SAMD12: variants seen among roughly 807,000 people sequenced by gnomAD.
The protein encoded by SAMD12 is sterile alpha motif domain-containing protein 12.
A neutral mutation model predicts 15.0 loss-of-function variants in SAMD12; 9 were observed. The ratio of observed to expected loss-of-function variants is 0.60; its 90% CI spans 0.36 to 1.05. The LOEUF is 1.05. SAMD12 is among the 50% of genes least tolerant of loss of function. SAMD12 has a pLI of 0.01. For missense variants in SAMD12, 230 were observed against 234.2 expected, an observed-to-expected ratio of 0.98 and a Z score of 0.12; for synonymous variants, 86 against 90.1, an observed-to-expected ratio of 0.96 and a Z score of 0.25.
At chr8:118,301,512 C>A (rs1815024549) in intron 4 of SAMD12, among the ~76,000 whole-genome samples, 1 of 152,130 alleles carries the variant, frequency 6.6e-6, no homozygotes. Context: ...TCATGGACAC[C>A]CACAAGTTGC....
At chr8:118,317,652 G>A (rs904508686) in intron 4 of SAMD12, among the ~76,000 whole-genome samples, 5 of 152,166 alleles carry the variant, frequency 3.3e-5, no homozygotes, top group African/African-American at 1.2e-4. Context: ...GGCTTCTGGG[G>A]TGCTAGTAAT....
chr8:118,349,220 G>C (rs1171047345), intron 4 of SAMD12, among the ~76,000 whole-genome samples: 1 of 152,168 alleles, frequency 6.6e-6, no homozygotes, highest in Admixed American at 6.5e-5. Flanking sequence ...AACACCTTTT[G>C]TTTACCCCTT....
intron 4 of SAMD12, among the ~76,000 whole-genome samples, chr8:118,198,996 G>T (rs575844078): frequency 2.6e-5 from 4 of 152,188 alleles, no homozygotes; most frequent in Non-Finnish European, 4.4e-5. Flanking sequence ...GAAGATTTAG[G>T]TTAAGTAAAT....
intron 2 of SAMD12, among the ~76,000 whole-genome samples, chr8:118,483,033 T>A (rs2515014): frequency 0.16 from 23,633 of 152,196 alleles, 1,889 homozygotes; most frequent in East Asian, 0.27. Flanking sequence ...ATCTTTGCCA[T>A]CCATCTCAAT....
intron 4 of SAMD12, among the ~76,000 whole-genome samples, chr8:118,354,957 T>A (rs1180351568): frequency 1.3e-5 from 2 of 152,184 alleles, no homozygotes; most frequent in Non-Finnish European, 2.9e-5. Flanking sequence ...CATTTAAAAA[T>A]ACCACTATGG....
At chr8:118,497,195 T>C (rs1419571394) in intron 2 of SAMD12, among the ~76,000 whole-genome samples, 1 of 152,180 alleles carries the variant, frequency 6.6e-6, no homozygotes, top group Non-Finnish European at 1.5e-5. Flanking sequence ...GAACTACCAT[T>C]GGACCCAGCA....
chr8:118,164,975 ATGTGTGTGTG>A, the SAMD12 span, among the ~76,000 whole-genome samples: 8 of 144,124 alleles, frequency 5.6e-5, no homozygotes, highest in African/African-American at 7.7e-5. Context: ...CTGACACTAG[ATGTGTGTGTG>A]TGTGTGTGTG....
chr8:118,357,590 G>A (rs1818294681), intron 4 of SAMD12, among the ~76,000 whole-genome samples: 1 of 152,084 alleles, frequency 6.6e-6, no homozygotes, highest in Non-Finnish European at 1.5e-5. Context: ...TGAGATGATG[G>A]ATATGTTAAT....
At chr8:118,279,929 A>T (rs1282352716) in intron 4 of SAMD12, among the ~76,000 whole-genome samples, 1 of 152,206 alleles carries the variant, frequency 6.6e-6, no homozygotes, top group East Asian at 1.9e-4. Flanking sequence ...ACACAAAAAC[A>T]CAGGACGCAC....
At chr8:118,178,317 A>G in the SAMD12 span, among the ~76,000 whole-genome samples, 2 of 152,158 alleles carry the variant, frequency 1.3e-5, no homozygotes, top group African/African-American at 4.8e-5. Flanking sequence ...CCATAGACAC[A>G]CTTATGGAAA....
chr8:118,370,177 A>G (rs1485786913), intron 4 of SAMD12, among the ~76,000 whole-genome samples: 3 of 151,998 alleles, frequency 2.0e-5, no homozygotes, highest in African/African-American at 7.2e-5. Context: ...AAAAAACATG[A>G]AAAAAAAGCT....
intron 4 of SAMD12, among the ~76,000 whole-genome samples, chr8:118,215,937 G>T (rs929571254): frequency 1.8e-4 from 27 of 150,708 alleles, no homozygotes; most frequent in African/African-American, 6.3e-4. Flanking sequence ...GTGTGCATGT[G>T]TCTTTATAGC....
At chr8:118,437,859 C>A (rs536429058) in intron 3 of SAMD12, among the ~76,000 whole-genome samples, 1 of 152,184 alleles carries the variant, frequency 6.6e-6, no homozygotes, top group Non-Finnish European at 1.5e-5. Context: ...GGCTCATCCT[C>A]TTCAAACCAT....
chr8:118,243,633 C>CA (rs377475532), intron 4 of SAMD12, among the ~76,000 whole-genome samples: 18 of 152,214 alleles, frequency 1.2e-4, no homozygotes, highest in African/African-American at 3.4e-4. Context: ...AGTGGATCTG[C>CA]ATTCCATTTA....
chr8:118,295,824 T>C (rs1188501065), intron 4 of SAMD12: 1 of 152,028 alleles, frequency 6.6e-6, no homozygotes, highest in Non-Finnish European at 1.5e-5. Context: ...ATTTTTTCTT[T>C]TGTAGAGATG....
intron 4 of SAMD12, among the ~76,000 whole-genome samples, chr8:118,330,813 GA>G (rs963265851): frequency 1.3e-5 from 2 of 152,124 alleles, no homozygotes; most frequent in African/African-American, 4.8e-5. Context: ...CAAGCGACAT[GA>G]TCATGAGAAA....
intron 4 of SAMD12, chr8:118,285,057 A>G (rs1336760693): frequency 6.6e-6 from 1 of 151,550 alleles, no homozygotes; most frequent in African/African-American, 2.4e-5. Flanking sequence ...TCTCATTTTT[A>G]TACTCTGTTA....
At chr8:118,540,301 T>C (rs1489802950) in intron 2 of SAMD12, among the ~76,000 whole-genome samples, 1 of 152,196 alleles carries the variant, frequency 6.6e-6, no homozygotes. Context: ...TGATCAGTGA[T>C]GAGGTATGTC....
intron 1 of SAMD12, among the ~76,000 whole-genome samples, chr8:118,582,262 G>A (rs947628795): frequency 7.2e-5 from 11 of 152,052 alleles, no homozygotes; most frequent in Non-Finnish European, 1.3e-4. Context: ...ATGAATGTCA[G>A]ACAAGTAAAA....
Sources: gnomAD v4.1 joint callset for allele counts (sites outside exome capture counted in the v4.1 genomes callset) on GRCh38, gnomAD v4.1.1 for gene constraint, MANE v1.5 for transcripts, NCBI Gene and HGNC (gene_info 2026-07-23, HGNC 2026-07-21) for gene names.